The following TNFSF4 variants were observed in gnomAD, a reference collection of about 807,000 sequenced individuals.
The protein encoded by TNFSF4 is TNF superfamily member 4, also known as tumor necrosis factor ligand superfamily member 4.
TNFSF4 carries 4 observed loss-of-function variants against 7.3 expected under a neutral mutation model. That is an observed-to-expected ratio of 0.55 (90% CI 0.27 to 1.25). The LOEUF (loss-of-function observed/expected upper bound fraction) is 1.25. Ranked by LOEUF, TNFSF4 falls within the 50% of genes most tolerant of loss-of-function variation. TNFSF4 has a pLI of 0.12. For synonymous variants in TNFSF4, 76 were observed against 83.7 expected (o/e 0.91, Z 0.50); for missense variants, 181 against 208.8 (o/e 0.87, Z 0.82).
chr1:173,417,336 C>A, the TNFSF4 span, among the ~76,000 whole-genome samples: 1 of 152,178 alleles, frequency 6.6e-6, no homozygotes, highest in African/African-American at 2.4e-5. Flanking sequence ...TATGAGGTAA[C>A]AAATGTAAAG....
At chr1:173,296,518 C>A in the TNFSF4 span, among the ~76,000 whole-genome samples, 10 of 151,888 alleles carry the variant, frequency 6.6e-5, no homozygotes, top group African/African-American at 1.2e-4. Flanking sequence ...ATGCCACACA[C>A]AAGTGATCAT....
chr1:173,389,644 A>G, the TNFSF4 span, among the ~76,000 whole-genome samples: 28 of 152,286 alleles, frequency 1.8e-4, no homozygotes, highest in South Asian at 8.3e-4. Context: ...AATATAACCC[A>G]AAAAGATGTA....
chr1:173,408,596 G>GT, the TNFSF4 span, among the ~76,000 whole-genome samples: 154 of 149,102 alleles, frequency 1.0e-3, no homozygotes, highest in African/African-American at 2.5e-3. Context: ...GAATGGAGTT[G>GT]TTTTTTTTTT....
chr1:173,362,370 T>G, the TNFSF4 span: 1 of 391,978 alleles, frequency 2.6e-6, no homozygotes, highest in Admixed American at 3.1e-5. Flanking sequence ...GCACTCATAC[T>G]GTACGCCTTC....
At chr1:173,298,231 T>C in the TNFSF4 span, among the ~76,000 whole-genome samples, 1 of 151,926 alleles carries the variant, frequency 6.6e-6, no homozygotes, top group African/African-American at 2.4e-5. Context: ...AGATCCTATA[T>C]TATAGCCAAG....
chr1:173,383,552 GA>G, the TNFSF4 span, among the ~76,000 whole-genome samples: 3 of 152,180 alleles, frequency 2.0e-5, no homozygotes, highest in African/African-American at 7.2e-5. Context: ...TCAGATTCTG[GA>G]AAGAGACACT....
the TNFSF4 span, among the ~76,000 whole-genome samples, chr1:173,370,622 G>C: frequency 6.6e-6 from 1 of 152,120 alleles, no homozygotes; most frequent in African/African-American, 2.4e-5. Flanking sequence ...GATCCTAAAA[G>C]ATAAGTTTAT....
At chr1:173,381,371 A>T in the TNFSF4 span, among the ~76,000 whole-genome samples, 42 of 152,208 alleles carry the variant, frequency 2.8e-4, no homozygotes, top group African/African-American at 9.7e-4. Flanking sequence ...CTGAAATCAG[A>T]CAATGCCTCT....
the TNFSF4 span, among the ~76,000 whole-genome samples, chr1:173,404,666 T>C: frequency 6.7e-6 from 1 of 148,402 alleles, no homozygotes; most frequent in Non-Finnish European, 1.5e-5. Context: ...GGAGACTTGC[T>C]CTGTCGCCAG....
chr1:173,299,079 T>C, the TNFSF4 span, among the ~76,000 whole-genome samples: 2 of 151,906 alleles, frequency 1.3e-5, no homozygotes, highest in African/African-American at 4.8e-5. Flanking sequence ...TATGATGTCC[T>C]TTACCTAACA....
At chr1:173,323,983 C>G in the TNFSF4 span, among the ~76,000 whole-genome samples, 1 of 152,138 alleles carries the variant, frequency 6.6e-6, no homozygotes, top group South Asian at 2.1e-4. Context: ...CAAGGCAGGC[C>G]AACATTCACA....
the TNFSF4 span, among the ~76,000 whole-genome samples, chr1:173,275,415 T>G: frequency 6.6e-6 from 1 of 152,158 alleles, no homozygotes; most frequent in African/African-American, 2.4e-5. Flanking sequence ...CAAGCCTCTG[T>G]GCTCTATACA....
At chr1:173,218,177 G>A in the TNFSF4 span, among the ~76,000 whole-genome samples, 3 of 152,048 alleles carry the variant, frequency 2.0e-5, no homozygotes, top group African/African-American at 7.2e-5. Context: ...GGAATACCAG[G>A]GAGCACTCAT....
the TNFSF4 span, among the ~76,000 whole-genome samples, chr1:173,320,506 G>C: frequency 2.0e-5 from 3 of 150,236 alleles, no homozygotes; most frequent in South Asian, 2.1e-4. Context: ...AGAAATAAAG[G>C]GTATTCAAAT....
intron 1 of TNFSF4, among the ~76,000 whole-genome samples, chr1:173,195,783 G>C (rs554258432): frequency 6.6e-6 from 1 of 152,334 alleles, no homozygotes; most frequent in East Asian, 1.9e-4. Context: ...GCCATTCCTT[G>C]CTTGGTACAA....
At chr1:173,265,059 A>G in the TNFSF4 span, among the ~76,000 whole-genome samples, 5 of 152,250 alleles carry the variant, frequency 3.3e-5, no homozygotes, top group South Asian at 8.3e-4. Flanking sequence ...AAAAACCTTA[A>G]GAAGGCTTGA....
At chr1:173,321,581 T>C in the TNFSF4 span, among the ~76,000 whole-genome samples, 1 of 152,056 alleles carries the variant, frequency 6.6e-6, no homozygotes, top group Admixed American at 6.5e-5. Flanking sequence ...GATACCCATA[T>C]GACAAAGGTC....
the TNFSF4 span, among the ~76,000 whole-genome samples, chr1:173,424,869 G>A: frequency 6.6e-6 from 1 of 152,210 alleles, no homozygotes; most frequent in Non-Finnish European, 1.5e-5. Context: ...AATCCTCTGA[G>A]CCTCAGTTGC....
the TNFSF4 span, among the ~76,000 whole-genome samples, chr1:173,442,350 TC>T: frequency 6.6e-6 from 1 of 152,012 alleles, no homozygotes; most frequent in Non-Finnish European, 1.5e-5. Flanking sequence ...ATCCAAGTGA[TC>T]CTGCTCCCCC....
Sources: allele counts gnomAD v4.1 joint callset (sites outside exome capture counted in the v4.1 genomes callset), GRCh38; gene constraint gnomAD v4.1.1; transcripts MANE v1.5; gene names NCBI Gene and HGNC (gene_info 2026-07-23, HGNC 2026-07-21).